SP1: variants seen among roughly 807,000 people sequenced by gnomAD.
The protein encoded by SP1 is Sp1 transcription factor.
In SP1, 6 loss-of-function variants were observed where a neutral mutation model predicts 66.3. The ratio of observed to expected loss-of-function variants is 0.09; its 90% CI spans 0.05 to 0.18. The LOEUF (loss-of-function observed/expected upper bound fraction) is 0.18. SP1 is among the 10% of genes least tolerant of loss of function. SP1 has a pLI of 1.00. For synonymous variants in SP1, 417 were observed against 360.8 expected (o/e 1.16, Z -1.77); for missense variants, 848 against 964.5 (o/e 0.88, Z 1.60).
intron 1 of SP1, chr12:53,380,499 CGCCCCGGGGG>C: frequency 2.0e-6 from 1 of 492,166 alleles, no homozygotes; most frequent in Non-Finnish European, 3.0e-6. Context: ...ATGGGCCGCC[CGCCCCGGGGG>C]AGGGGGCAGC....
At chr12:53,392,411 C>T (rs1243970267) in intron 3 of SP1, among the ~76,000 whole-genome samples, 1 of 134,778 alleles carries the variant, frequency 7.4e-6, no homozygotes, top group African/African-American at 2.9e-5. Flanking sequence ...GGCTGGAGTG[C>T]AGTGGCGGGA....
chr12:53,398,799 GT>G (rs1208168997), intron 3 of SP1, among the ~76,000 whole-genome samples: 4 of 152,072 alleles, frequency 2.6e-5, no homozygotes, highest in African/African-American at 9.7e-5. Flanking sequence ...GGAAAAATAA[GT>G]AACAATTATC....
intron 3 of SP1, among the ~76,000 whole-genome samples, chr12:53,391,908 G>C (rs1403129167): frequency 6.6e-6 from 1 of 151,954 alleles, no homozygotes. Context: ...GCTGCATCCA[G>C]ACATGGATGC....
At chr12:53,401,264 A>G (rs1051386295) in intron 3 of SP1, among the ~76,000 whole-genome samples, 4 of 151,806 alleles carry the variant, frequency 2.6e-5, no homozygotes, top group Non-Finnish European at 4.4e-5. Flanking sequence ...CAGCCTGACC[A>G]ACATGGTGAA....
intron 3 of SP1, among the ~76,000 whole-genome samples, chr12:53,384,949 C>CT (rs1178457661): frequency 1.3e-5 from 2 of 150,730 alleles, no homozygotes; most frequent in Non-Finnish European, 2.9e-5. Context: ...TGCACCACTG[C>CT]ACTCCAGCCT....
At chr12:53,389,090 T>C (rs1938292248) in intron 3 of SP1, among the ~76,000 whole-genome samples, 1 of 152,134 alleles carries the variant, frequency 6.6e-6, no homozygotes, top group Non-Finnish European at 1.5e-5. Context: ...GAACATTGGA[T>C]GTGAAATGTT....
chr12:53,412,967 T>TAA lies in SP1; in HGVS notation c.*1728_*1729dup, dbSNP rs1491344889. The stretch of plus-strand genomic sequence containing the variant: ...GTGTGTGTGTGTGTGTGTGTGTGTG[T>TAA]AATCTGTTAGGTTGGGGATAGGTTT... On this transcript the variant is annotated 3_prime_UTR_variant, in exon 6 of 6. Coordinates refer to ENST00000327443, the MANE Select transcript of SP1 (RefSeq NM_138473.3). The TAA allele has an allele frequency of 4.1e-5, 6 of 147,662 alleles. No individual in the cohort carries two copies. Among genetic ancestry groups the TAA allele is most frequent in the African/African-American group, 1.2e-4 (5 of 40,018 alleles). The allele number at this position is 147,662 out of a possible 1,614,324, so 9.1% of individuals were successfully genotyped here. A position where few individuals can be genotyped will look rare whatever the true frequency, so the allele number is the denominator to read the frequency against.
chr12:53,405,442 G>T (rs1426954461), intron 3 of SP1, among the ~76,000 whole-genome samples: 1 of 152,128 alleles, frequency 6.6e-6, no homozygotes, highest in South Asian at 2.1e-4. Flanking sequence ...GCCGAGGCGG[G>T]TGGATCACCT....
At position 53,412,794 on chromosome 12, in the gene SP1, C is replaced by T. The variant is rs1415855365; in HGVS notation, c.*1554C>T. ...ATCCAAAAATTATAACGGCAGGGAA[C>T]CTAGTGCATTTGGCACTGAGATTTA... On this transcript the variant is annotated 3_prime_UTR_variant, in exon 6 of 6. Coordinates refer to ENST00000327443, the MANE Select transcript of SP1 (RefSeq NM_138473.3). The T allele has an allele frequency of 6.6e-6, 1 of 152,582 alleles. No homozygotes were observed. The highest frequency in any genetic ancestry group is 1.5e-5 in the Non-Finnish European group (1 of 68,034). 9.5% of individuals were successfully genotyped at this position (152,582 alleles called of 1,614,324 possible). A position where few individuals can be genotyped will look rare whatever the true frequency, so the allele number is the denominator to read the frequency against.
At chr12:53,404,026 C>A (rs902881906) in intron 3 of SP1, among the ~76,000 whole-genome samples, 1 of 150,932 alleles carries the variant, frequency 6.6e-6, no homozygotes, top group Non-Finnish European at 1.5e-5. Context: ...AAAAAGTTAG[C>A]CGGGCGTGGT....
rs560937135 is a variant in SP1, at chr12:53,395,838, G to A, written c.1676-10747G>A. 2.3e-3 allele frequency among the ~76,000 whole-genome samples: 355 copies of A among 151,690 alleles called. 2 individuals are homozygous for A. The highest frequency in any genetic ancestry group is 7.9e-3 in the African/African-American group (326 of 41,428). ...AAAAAAAAAAAAAAATTAACTGGGC[G>A]TAGCTGGGCATGGTGGCTCACGCCT... is the stretch of plus-strand genomic sequence containing the variant. On this transcript the variant is annotated intron_variant, in intron 3 of 5. Transcript: ENST00000327443.
rs921645126 is a variant in SP1 at position 53,380,214 on chromosome 12, G to A, written c.-78G>A. The A allele has an allele frequency of 8.9e-6, 10 of 1,128,106 alleles. No homozygotes were observed. In the African/African-American group the frequency reaches 1.1e-4, roughly 12 times the overall value. 69.9% of individuals were successfully genotyped at this position (1,128,106 alleles called of 1,614,324 possible). A position where few individuals can be genotyped will look rare whatever the true frequency, so the allele number is the denominator to read the frequency against. On this transcript the variant is annotated 5_prime_UTR_variant, in exon 1 of 6. Coordinates refer to ENST00000327443, the MANE Select transcript of SP1 (RefSeq NM_138473.3). ...TGTCCGGTCCGGGTTCGCTTGCCTCGTCAGCGTCCGCGTTTTTCCCGGCCC... is the reference window on the plus strand; with the variant it reads ...TGTCCGGTCCGGGTTCGCTTGCCTCATCAGCGTCCGCGTTTTTCCCGGCCC...
intron 1 of SP1, 57 bp downstream of exon 1, chr12:53,380,355 G>T: frequency 7.1e-7 from 1 of 1,405,006 alleles, no homozygotes; most frequent in Admixed American, 2.6e-5. Context: ...GGGCGCGCGC[G>T]AGGGCCGACC....
intron 3 of SP1, among the ~76,000 whole-genome samples, chr12:53,392,062 G>A (rs1565811290): frequency 6.6e-6 from 1 of 152,158 alleles, no homozygotes; most frequent in Non-Finnish European, 1.5e-5. Flanking sequence ...GACTCTGAAT[G>A]GCTTGTGGAA....
chr12:53,401,248 C>T (rs944481125), intron 3 of SP1, among the ~76,000 whole-genome samples: 1 of 151,496 alleles, frequency 6.6e-6, no homozygotes, highest in Admixed American at 6.6e-5. Context: ...GTCGGGAGTT[C>T]GAGACCAGCC....
At chr12:53,404,655 G>A (rs1938689570) in intron 3 of SP1, among the ~76,000 whole-genome samples, 1 of 151,976 alleles carries the variant, frequency 6.6e-6, no homozygotes, top group African/African-American at 2.4e-5. Flanking sequence ...AAGCATTTTA[G>A]CATACACTGT....
At chr12:53,381,983 G>C in intron 2 of SP1, 127 bp from the exon 3 acceptor site, 1 of 1,136,428 alleles carries the variant, frequency 8.8e-7, no homozygotes, top group Non-Finnish European at 1.2e-6. Context: ...AATACAGATA[G>C]GTCAGCTTTT....
At chr12:53,393,470 A>G (rs946415852) in intron 3 of SP1, among the ~76,000 whole-genome samples, 5 of 151,436 alleles carry the variant, frequency 3.3e-5, no homozygotes, top group Non-Finnish European at 5.9e-5. Context: ...TTTAGTAGAG[A>G]TGGAGTTTCT....
chr12:53,385,043 C>T (rs1938195604), intron 3 of SP1, among the ~76,000 whole-genome samples: 1 of 151,574 alleles, frequency 6.6e-6, no homozygotes, highest in Non-Finnish European at 1.5e-5. Context: ...GCCTGTAATC[C>T]CAGCACTTTG....
Sources: gnomAD v4.1 joint callset for allele counts (sites outside exome capture counted in the v4.1 genomes callset) on GRCh38, gnomAD v4.1.1 for gene constraint, MANE v1.5 for transcripts, NCBI Gene and HGNC (gene_info 2026-07-23, HGNC 2026-07-21) for gene names.